DDX20: variants seen among roughly 807,000 people sequenced by gnomAD.
The protein encoded by DDX20 is probable ATP-dependent RNA helicase DDX20.
Under a neutral mutation model 76.4 loss-of-function variants are expected in DDX20, and 61 were observed. The observed-to-expected ratio is 0.80, with a 90% CI of 0.65 to 0.99. The LOEUF (loss-of-function observed/expected upper bound fraction) is 0.99. Among genes scored for constraint, DDX20 ranks in the 50% least tolerant of loss-of-function variants. DDX20 has a pLI of 0.00. For synonymous variants in DDX20, 357 were observed against 357.4 expected (o/e 1.00, Z 0.01); for missense variants, 976 against 996.8 (o/e 0.98, Z 0.28).
chr1:111,767,917 C>G lies in DDX20; in HGVS notation c.*1018C>G, dbSNP rs866996094. 4.6e-5 allele frequency: 7 copies of G among 152,102 alleles called. No individual in the cohort carries two copies. The highest frequency in any genetic ancestry group is 2.1e-4 in the South Asian group (1 of 4,822). The allele number at this position is 152,102 out of a possible 1,614,324, so 9.4% of individuals were successfully genotyped here. A position where few individuals can be genotyped will look rare whatever the true frequency, so the allele number is the denominator to read the frequency against. On this transcript the variant is annotated 3_prime_UTR_variant, in exon 11 of 11. Transcript: ENST00000369702. ...AGAAAATTTTCCCCAGTTTTTACCT[C>G]TAATGTTAGGATCCAAGAGGAGCTT...
intron 3 of DDX20, 64 bp downstream of exon 3, chr1:111,759,632 A>G: frequency 7.1e-7 from 1 of 1,409,886 alleles, no homozygotes; most frequent in South Asian, 1.3e-5. Context: ...TAATATAACA[A>G]TAAAGATATA....
chr1:111,760,823 G>A lies in DDX20; in HGVS notation c.798G>A (p.Leu266=), dbSNP rs1304660129. 1 of 1,612,916 alleles carries A rather than the reference G, an allele frequency of 6.2e-7. No homozygotes were observed. The highest frequency in any genetic ancestry group is 8.5e-7 in the Non-Finnish European group (1 of 1,179,672). The change falls in exon 5 of 11, where the codon CTG becomes CTA. Residue 266 remains leucine, a synonymous_variant. Transcript: ENST00000369702. The part of the protein sequence containing the change: ...KYMRDPTFVR[L]NSSDPSLIGL... The stretch of plus-strand genomic sequence containing the variant: ...TGAGAGATCCCACTTTTGTAAGACT[G>A]AATTCCAGTGATCCAAGTCTCATAG...
intron 10 of DDX20, among the ~76,000 whole-genome samples, chr1:111,763,389 T>C (rs576496997): frequency 1.3e-4 from 20 of 152,250 alleles, no homozygotes; most frequent in African/African-American, 4.3e-4. Context: ...CTGGTCAATG[T>C]GGTGAAACCT....
intron 5 of DDX20, 59 bp downstream of exon 5, chr1:111,760,907 C>G: frequency 6.3e-7 from 1 of 1,596,338 alleles, no homozygotes; most frequent in Non-Finnish European, 8.5e-7. Context: ...CTGGAGCTTT[C>G]CCTTGCCTAG....
chr1:111,763,616 A>G (rs549399547), intron 10 of DDX20, among the ~76,000 whole-genome samples: 1 of 151,732 alleles, frequency 6.6e-6, no homozygotes, highest in Non-Finnish European at 1.5e-5. Context: ...TGTTAGCTCT[A>G]TTTTATTAGT....
At chr1:111,763,822 T>G (rs1320579824) in intron 10 of DDX20, among the ~76,000 whole-genome samples, 1 of 152,236 alleles carries the variant, frequency 6.6e-6, no homozygotes, top group Non-Finnish European at 1.5e-5. Context: ...TTGTTCTGCT[T>G]CTTTTTAAGT....
In DDX20 at chr1:111,765,739, C is replaced by T; in HGVS notation, c.1315C>T (p.Pro439Ser). 6.3e-7 allele frequency: 1 copy of T among 1,578,174 alleles called. No homozygotes were observed. Among genetic ancestry groups the T allele is most frequent in the East Asian group, 2.2e-5 (1 of 44,560 alleles). Reference sequence around the variant, plus strand: ...CATTTTTCTTCCTTTTTATGTAGATCCCATTCCTTCTGGTCTGATGGAAGA... The same window carrying T: ...CATTTTTCTTCCTTTTTATGTAGATTCCATTCCTTCTGGTCTGATGGAAGA... ...CNINLLPLPD[P>S]IPSGLMEECV... is the part of the protein sequence containing the mutation. Residue 439 changes from proline to serine, a missense_variant and splice_region_variant, in exon 11 of 11, where the codon CCC becomes TCC. Transcript: ENST00000369702.
chr1:111,756,302 G>A, intron 1 of DDX20, 77 bp downstream of exon 1: 1 of 1,352,148 alleles, frequency 7.4e-7, no homozygotes, highest in Non-Finnish European at 9.5e-7. Context: ...GGCCAGGCCC[G>A]CGCCGCAGCT....
intron 7 of DDX20, chr1:111,761,515 A>G (rs591695): frequency 0.14 from 55,239 of 393,650 alleles, 4,424 homozygotes; most frequent in Admixed American, 0.2. Context: ...AGTGTTCAGA[A>G]AGACAATTTT....
At position 111,766,501 on chromosome 1, in the gene DDX20, C is replaced by T. The variant is rs197414; in HGVS notation, c.2077C>T (p.Arg693Cys). 4 of 1,613,804 alleles carry T rather than the reference C, an allele frequency of 2.5e-6. No homozygotes were observed. Among genetic ancestry groups the T allele is most frequent in the Non-Finnish European group, 2.5e-6 (3 of 1,179,980 alleles). The change falls in exon 11 of 11, where the codon CGT becomes TGT. Residue 693 changes from arginine to cysteine, a missense_variant. Coordinates refer to ENST00000369702, the MANE Select transcript of DDX20 (RefSeq NM_007204.5). ...CTCTGAATCTACGCCTGTGGATGAT[C>T]GTATTTCTTTGGAACAACCACCAAA... ...KDSESTPVDD[R>C]ISLEQPPNGS...
chr1:111,761,149 T>TG, intron 6 of DDX20, 24 bp downstream of exon 6: 1 of 1,611,984 alleles, frequency 6.2e-7, no homozygotes, highest in Non-Finnish European at 8.5e-7. Context: ...AAAGGTCATC[T>TG]GGGGAACTTG....
Position 111,761,232 on chromosome 1 carries a change from A to G in DDX20, c.969A>G (p.Gln323=), listed in dbSNP as rs944657384. Residue 323 remains glutamine (Q), a synonymous_variant, in exon 7 of 11, where the codon CAA becomes CAG. Coordinates refer to ENST00000369702, the MANE Select transcript of DDX20 (RefSeq NM_007204.5). ...LVFSNLHSRA[Q]HLADILSSKG... Reference sequence around the variant, plus strand: ...TTTATGTTATATTTCATAGAGCACAACATTTGGCTGATATCCTTTCTTCTA... The same window carrying G: ...TTTATGTTATATTTCATAGAGCACAGCATTTGGCTGATATCCTTTCTTCTA... 3.1e-6 allele frequency: 5 copies of G among 1,613,410 alleles called. No homozygotes were observed. Among genetic ancestry groups the G allele is most frequent in the Non-Finnish European group, 4.2e-6 (5 of 1,179,634 alleles).
In DDX20 at chr1:111,766,326, A is replaced by T. The variant is rs1289546106; in HGVS notation, c.1902A>T (p.Lys634Asn). ...CTCAAAATGGTTTTGTGAGAAATAA[A>T]GTTATTGAACAGAGAGTCCCTGTGT... Reference protein sequence around the residue: ...VNPQNGFVRNKVIEQRVPVLA... With the variant: ...VNPQNGFVRNNVIEQRVPVLA... The change falls in exon 11 of 11, where the codon AAA becomes AAT. Residue 634 changes from lysine to asparagine, a missense_variant. By Grantham distance (94) the Lys-to-Asn change is moderately conservative. Transcript: ENST00000369702. The T allele has an allele frequency of 8.1e-6, 13 of 1,614,082 alleles. No homozygotes were observed. In the Admixed American group the frequency reaches 1.0e-4, roughly 12 times the overall value.
intron 2 of DDX20, among the ~76,000 whole-genome samples, chr1:111,758,508 CCTT>C (rs892353060): frequency 1.2e-4 from 18 of 152,150 alleles, no homozygotes; most frequent in African/African-American, 4.3e-4. Flanking sequence ...TCTCTGACCT[CCTT>C]TACTTTCCCC....
Position 111,760,763 on chromosome 1 carries a change from TC to T in DDX20, c.741del (p.Glu248AsnfsTer7). 1 of 1,613,874 alleles carries T rather than the reference TC, an allele frequency of 6.2e-7. No homozygotes were observed. Among genetic ancestry groups the T allele is most frequent in the Non-Finnish European group, 8.5e-7 (1 of 1,179,922 alleles). On this transcript the variant is annotated frameshift_variant, in exon 5 of 11. Coordinates refer to ENST00000369702, the MANE Select transcript of DDX20 (RefSeq NM_007204.5). LOFTEE classifies it high-confidence loss of function. ...AGATGCTGGCAGTATCAGCTACTTA[TC>T]CCGAATTTTTGGCTAATGCTTTGAC... ...KQMLAVSATYPEFLANALTKY... is the reference protein window; with the variant it reads ...KQMLAVSATYXEFLANALTKY...
In DDX20 at chr1:111,766,003, A is replaced by T. The variant is rs770337758; in HGVS notation, c.1579A>T (p.Ile527Leu). The change falls in exon 11 of 11, where the codon ATA (isoleucine) becomes TTA (leucine). Residue 527 changes from isoleucine to leucine, a missense_variant. By Grantham distance (5) the Ile-to-Leu change is conservative (BLOSUM62 2). Around this residue, in one of 3 missense-constraint regions of DDX20, gnomAD observed 630 missense variants for 693.7 expected, o/e 0.91. Transcript: ENST00000369702. ...PVKSHSECGI[I>L]EKATSPKELG... is the part of the protein sequence containing the mutation. ...GAAAAGCCACTCAGAATGTGGAATC[A>T]TAGAAAAAGCAACGTCACCAAAAGA... 1 of 1,614,196 alleles carries T rather than the reference A, an allele frequency of 6.2e-7. No homozygotes were observed.
intron 1 of DDX20, 43 bp downstream of exon 1, chr1:111,756,268 G>A: frequency 2.7e-6 from 2 of 739,116 alleles, no homozygotes; most frequent in Non-Finnish European, 3.9e-6. Context: ...TGGGGTGGGA[G>A]AAGGGGGACC....
At chr1:111,762,610 A>C (rs903060596) in intron 8 of DDX20, 67 bp from the exon 9 acceptor site, 11 of 1,310,934 alleles carry the variant, frequency 8.4e-6, no homozygotes, top group Non-Finnish European at 1.2e-5. Flanking sequence ...GGAAGAATAT[A>C]ATATGCATTG....
chr1:111,756,058 A>G lies in DDX20; in HGVS notation c.134A>G (p.Asp45Gly), dbSNP rs781147177. Residue 45 changes from aspartate (D) to glycine (G), a missense_variant, in exon 1 of 11, where the codon GAT becomes GGT. Asp to Gly is a moderately conservative substitution (Grantham distance 94). Around this residue, in one of 3 missense-constraint regions of DDX20, gnomAD observed 343 missense variants for 286.4 expected, o/e 1.20. Coordinates refer to ENST00000369702, the MANE Select transcript of DDX20 (RefSeq NM_007204.5). ...GPVRILRTAQ[D>G]LSSPRTRTGD... ...GTGAGGATCCTGCGGACCGCTCAGG[A>G]TCTCAGCAGCCCGCGGACCCGCACG... 8.1e-6 allele frequency: 13 copies of G among 1,609,058 alleles called. No homozygotes were observed. The highest frequency in any genetic ancestry group is 1.1e-5 in the Non-Finnish European group (13 of 1,179,362).
Sources: allele counts gnomAD v4.1 joint callset (sites outside exome capture counted in the v4.1 genomes callset), GRCh38; gene constraint gnomAD v4.1.1; regional missense constraint gnomAD v4.1.1; transcripts MANE v1.5; gene names NCBI Gene and HGNC (gene_info 2026-07-23, HGNC 2026-07-21).